The following HTR2A variants were observed in gnomAD, a reference collection of about 807,000 sequenced individuals.
The protein encoded by HTR2A is 5-hydroxytryptamine receptor 2A, also known as 5-HT2 receptor.
HTR2A carries 14 observed loss-of-function variants against 31.0 expected under a neutral mutation model. The observed-to-expected ratio is 0.45, with a 90% CI of 0.30 to 0.71. The LOEUF is 0.71. Ranked by LOEUF, HTR2A falls within the 30% of genes least tolerant of loss-of-function variation. HTR2A has a pLI of 0.09. For missense variants in HTR2A, 442 were observed against 573.3 expected (o/e 0.77, Z 2.34); for synonymous variants, 209 against 225.2 (o/e 0.93, Z 0.64).
intron 3 of HTR2A, among the ~76,000 whole-genome samples, chr13:46,861,760 C>T (rs553704786): frequency 5.9e-5 from 9 of 152,162 alleles, no homozygotes; most frequent in South Asian, 2.1e-4. Flanking sequence ...GGGAAAAAGG[C>T]ACTCCTAAGA....
At chr13:46,842,374 T>C (rs1461747519) in intron 3 of HTR2A, among the ~76,000 whole-genome samples, 1 of 152,172 alleles carries the variant, frequency 6.6e-6, no homozygotes. Context: ...TTTGGAGTGA[T>C]TCTCTCTGAA....
intron 3 of HTR2A, among the ~76,000 whole-genome samples, chr13:46,878,311 G>A (rs182535031): frequency 6.6e-6 from 1 of 152,184 alleles, no homozygotes; most frequent in East Asian, 1.9e-4. Context: ...GAGGAGGAGA[G>A]GAATTCTGTG....
At position 46,863,082 on chromosome 13, in the gene HTR2A, T is replaced by C. The variant is rs532139575; in HGVS notation, c.614-27443A>G. ...ATTTCTCTGAAATAAACTGCAATTGTGACTCTTTAATTCAGACTTATTTTC... is the reference window on the plus strand; with the variant it reads ...ATTTCTCTGAAATAAACTGCAATTGCGACTCTTTAATTCAGACTTATTTTC... On this transcript the variant is annotated intron_variant, in intron 3 of 3. Coordinates refer to ENST00000542664, the MANE Select transcript of HTR2A (RefSeq NM_000621.5). 3.9e-5 allele frequency among the ~76,000 whole-genome samples: 6 copies of C among 152,334 alleles called. No individual in the cohort carries two copies. The East Asian group carries it at 5.8e-4, about 15-fold the overall frequency.
chr13:46,867,830 A>T (rs1950830207), intron 3 of HTR2A, among the ~76,000 whole-genome samples: 1 of 152,264 alleles, frequency 6.6e-6, no homozygotes, highest in African/African-American at 2.4e-5. Flanking sequence ...CATGTCTTGC[A>T]GCAAGATAAT....
At chr13:46,877,408 A>G (rs1424960072) in intron 3 of HTR2A, among the ~76,000 whole-genome samples, 1 of 152,180 alleles carries the variant, frequency 6.6e-6, no homozygotes, top group Non-Finnish European at 1.5e-5. Context: ...ATTACAACAC[A>G]GTGATATTAA....
At chr13:46,894,711 A>T (rs1051617277) in intron 2 of HTR2A, among the ~76,000 whole-genome samples, 2 of 152,222 alleles carry the variant, frequency 1.3e-5, no homozygotes, top group African/African-American at 4.8e-5. Context: ...TGTATTACTC[A>T]TAATTTGGAA....
chr13:46,846,065 GA>G (rs2138193872), intron 3 of HTR2A, among the ~76,000 whole-genome samples: 1 of 152,232 alleles, frequency 6.6e-6, no homozygotes, highest in East Asian at 1.9e-4. Flanking sequence ...CCTAGGTAGG[GA>G]ACCTGCAGAA....
intron 3 of HTR2A, among the ~76,000 whole-genome samples, chr13:46,889,849 G>A (rs1348621168): frequency 4.6e-5 from 7 of 152,208 alleles, no homozygotes; most frequent in Non-Finnish European, 7.3e-5. Context: ...TCCTTCATTA[G>A]ATCTGCCTTT....
chr13:46,863,409 G>A (rs1462722898), intron 3 of HTR2A, among the ~76,000 whole-genome samples: 1 of 151,924 alleles, frequency 6.6e-6, no homozygotes, highest in Non-Finnish European at 1.5e-5. Flanking sequence ...GATTGCTTGA[G>A]CCCAGGAGTT....
intron 3 of HTR2A, among the ~76,000 whole-genome samples, chr13:46,846,123 G>T (rs1439045754): frequency 6.6e-6 from 1 of 152,126 alleles, no homozygotes; most frequent in Non-Finnish European, 1.5e-5. Context: ...CCATTAGTTT[G>T]CAATGAGAAA....
At position 46,832,283 on chromosome 13, in the gene HTR2A, G is replaced by A. The variant is rs1051916541; in HGVS notation, c.*2554C>T. 2.6e-5 allele frequency: 4 copies of A among 152,172 alleles called. No homozygotes were observed. The highest frequency in any genetic ancestry group is 2.6e-4 in the Admixed American group (4 of 15,278). The allele number at this position is 152,172 out of a possible 1,614,324, so 9.4% of individuals were successfully genotyped here. On this transcript the variant is annotated 3_prime_UTR_variant, in exon 4 of 4. Transcript: ENST00000542664. Reference sequence around the variant, plus strand: ...ACATGATACAAACATGCACACATGTGTATATACTGAGTGTTTTCATTGACT... The same window carrying A: ...ACATGATACAAACATGCACACATGTATATATACTGAGTGTTTTCATTGACT...
chr13:46,865,834 A>G (rs1206391699), intron 3 of HTR2A, among the ~76,000 whole-genome samples: 3 of 152,178 alleles, frequency 2.0e-5, no homozygotes, highest in African/African-American at 7.2e-5. Context: ...ATTTGGAGAG[A>G]AATCTCCTGT....
At chr13:46,863,810 C>T (rs919731656) in intron 3 of HTR2A, among the ~76,000 whole-genome samples, 1 of 151,900 alleles carries the variant, frequency 6.6e-6, no homozygotes, top group African/African-American at 2.4e-5. Context: ...CACTTATATA[C>T]TGTCGGTGGG....
chr13:46,872,678 G>T (rs1275979939), intron 3 of HTR2A, among the ~76,000 whole-genome samples: 1 of 152,156 alleles, frequency 6.6e-6, no homozygotes, highest in Non-Finnish European at 1.5e-5. Flanking sequence ...GTCTCTGTTA[G>T]TTTAATACCT....
chr13:46,834,690 T>C lies in HTR2A; in HGVS notation c.*147A>G. 2 of 618,696 alleles carry C rather than the reference T, an allele frequency of 3.2e-6. No homozygotes were observed. The highest frequency in any genetic ancestry group is 5.5e-6 in the Non-Finnish European group (2 of 362,320). 38.3% of individuals were successfully genotyped at this position (618,696 alleles called of 1,614,324 possible). ...ATTTTGTAGCATTGAACCCCGCTTT[T>C]CATTGACAGAATAAAATGAGGCATA... is the stretch of plus-strand genomic sequence containing the variant. On this transcript the variant is annotated 3_prime_UTR_variant, in exon 4 of 4. Coordinates refer to ENST00000542664, the MANE Select transcript of HTR2A (RefSeq NM_000621.5).
At chr13:46,871,808 TC>T (rs762341999) in intron 3 of HTR2A, among the ~76,000 whole-genome samples, 2 of 152,188 alleles carry the variant, frequency 1.3e-5, no homozygotes, top group Non-Finnish European at 2.9e-5. Flanking sequence ...AACAAAAGCA[TC>T]TTTGTTCAGA....
chr13:46,854,633 T>A (rs1950717288), intron 3 of HTR2A, among the ~76,000 whole-genome samples: 1 of 152,180 alleles, frequency 6.6e-6, no homozygotes, highest in African/African-American at 2.4e-5. Flanking sequence ...ACATCAGTTC[T>A]TTTGAGGCTG....
intron 3 of HTR2A, among the ~76,000 whole-genome samples, chr13:46,883,023 A>G (rs1023070584): frequency 1.3e-5 from 2 of 152,224 alleles, no homozygotes; most frequent in African/African-American, 4.8e-5. Context: ...TCAAATCCAG[A>G]TAGTGTGGCT....
At chr13:46,880,363 G>A (rs557426075) in intron 3 of HTR2A, among the ~76,000 whole-genome samples, 98 of 152,312 alleles carry the variant, frequency 6.4e-4, no homozygotes, top group African/African-American at 2.1e-3. Context: ...GGATCCTGAC[G>A]CAGCCCAAGG....
Sources: allele counts gnomAD v4.1 joint callset (sites outside exome capture counted in the v4.1 genomes callset), GRCh38; gene constraint gnomAD v4.1.1; transcripts MANE v1.5; gene names NCBI Gene and HGNC (gene_info 2026-07-23, HGNC 2026-07-21).